The following DIAPH1 variants were observed in gnomAD, a reference collection of about 807,000 sequenced individuals.
DIAPH1 encodes diaphanous related formin 1.
A neutral mutation model predicts 140.7 loss-of-function variants in DIAPH1; 46 were observed. The ratio of observed to expected loss-of-function variants is 0.33; its 90% CI spans 0.26 to 0.42. DIAPH1 has a LOEUF of 0.42. Ranked by LOEUF, DIAPH1 falls within the 10% of genes least tolerant of loss-of-function variation. The pLI is 1.00. For missense variants in DIAPH1, 1,310 were observed against 1,558.7 expected, an observed-to-expected ratio of 0.84 and a Z score of 2.69; for synonymous variants, 565 against 551.6, an observed-to-expected ratio of 1.02 and a Z score of -0.34.
chr5:141,580,510 G>A (rs778781094), intron 8 of DIAPH1, among the ~76,000 whole-genome samples: 3 of 151,926 alleles, frequency 2.0e-5, no homozygotes, highest in Admixed American at 2.0e-4. Flanking sequence ...TATTAATGGA[G>A]ATATAGGAGA....
chr5:141,545,878 G>A lies in DIAPH1; in HGVS notation c.2483-11445C>T, dbSNP rs145456725. On this transcript the variant is annotated intron_variant, in intron 18 of 27. Transcript: ENST00000389054. ...ACCTTATTAACAAAACATGTTGGCCGTAGTTTGCTGACTCCTGGTCTAACC... is the reference window on the plus strand; with the variant it reads ...ACCTTATTAACAAAACATGTTGGCCATAGTTTGCTGACTCCTGGTCTAACC... Among the ~76,000 whole-genome samples the A allele has an allele frequency of 4.6e-3, 693 of 152,268 alleles. 10 individuals carry two copies. Among genetic ancestry groups the A allele is most frequent in the South Asian group, 0.017 (84 of 4,828 alleles).
intron 1 of DIAPH1, among the ~76,000 whole-genome samples, chr5:141,610,793 A>C (rs113340299): frequency 1.3e-5 from 2 of 151,918 alleles, no homozygotes; most frequent in African/African-American, 4.8e-5. Context: ...AAAAAAAATT[A>C]GGCCAGGTGC....
chr5:141,606,984 A>G (rs1381318178), intron 1 of DIAPH1, among the ~76,000 whole-genome samples: 1 of 151,924 alleles, frequency 6.6e-6, no homozygotes, highest in Non-Finnish European at 1.5e-5. Flanking sequence ...AAAGGAAGCA[A>G]ACCTTAAGAT....
At chr5:141,586,095 T>C (rs1166919034) in intron 3 of DIAPH1, among the ~76,000 whole-genome samples, 1 of 152,226 alleles carries the variant, frequency 6.6e-6, no homozygotes, top group Admixed American at 6.5e-5. Flanking sequence ...CTCTCTTCAA[T>C]TTGCCACATT....
intron 1 of DIAPH1, among the ~76,000 whole-genome samples, chr5:141,593,544 A>C (rs1596398470): frequency 6.6e-6 from 1 of 152,320 alleles, no homozygotes; most frequent in African/African-American, 2.4e-5. Context: ...ACATAGTCCA[A>C]GTAGATCACT....
At chr5:141,534,548 T>C (rs1427697028) in intron 18 of DIAPH1, 115 bp from the exon 19 acceptor site, 1 of 793,544 alleles carries the variant, frequency 1.3e-6, no homozygotes, top group Non-Finnish European at 2.2e-6. Flanking sequence ...TATAATGGTC[T>C]ATTGTATTCC....
At chr5:141,534,160 G>A (rs1161766672) in intron 19 of DIAPH1, among the ~76,000 whole-genome samples, 175 bp downstream of exon 19, 2 of 151,262 alleles carry the variant, frequency 1.3e-5, no homozygotes, top group Non-Finnish European at 2.9e-5. Context: ...TAAAAATCTT[G>A]CAGTGCTATT....
chr5:141,519,064 A>C, intron 27 of DIAPH1: 12 of 1,395,860 alleles, frequency 8.6e-6, no homozygotes, highest in African/African-American at 1.4e-5. Context: ...GTTACAGATC[A>C]TAGGTATGTG....
Position 141,574,113 on chromosome 5 carries a change from A to G in DIAPH1, c.1737T>C (p.Arg579=). Residue 579 remains arginine, a synonymous_variant, in exon 16 of 28, where the codon CGT becomes CGC. Coordinates refer to ENST00000389054, the MANE Select transcript of DIAPH1 (RefSeq NM_005219.5). ...AAGGAGGGGCAGGGGGAACAGGAGC[A>G]CGACTAGGAACAGAAGGAGGTACAG... ...AITVPPSVPS[R]APVPPAPPLP... 1 of 1,614,082 alleles carries G rather than the reference A, an allele frequency of 6.2e-7. No individual in the cohort carries two copies. The highest frequency in any genetic ancestry group is 8.5e-7 in the Non-Finnish European group (1 of 1,180,008).
In DIAPH1 at chr5:141,588,245, C is replaced by CGAAG. The variant is rs1368909569; in HGVS notation, c.122_123insCTTC (p.Lys42PhefsTer8). 2 of 1,612,332 alleles carry CGAAG rather than the reference C, an allele frequency of 1.2e-6. No individual in the cohort carries two copies. Among genetic ancestry groups the CGAAG allele is most frequent in the Non-Finnish European group, 1.7e-6 (2 of 1,178,606 alleles). On this transcript the variant is annotated frameshift_variant, in exon 2 of 28. Coordinates refer to ENST00000389054, the MANE Select transcript of DIAPH1 (RefSeq NM_005219.5). LOFTEE classifies it high-confidence loss of function. ...TTACCTCATCTGCCATGAGCCGCTT[C>CGAAG]AGAGTCTAGGAAACAGGAAAAAGGA...
chr5:141,592,945 T>C (rs770272229), intron 1 of DIAPH1, among the ~76,000 whole-genome samples: 6 of 152,092 alleles, frequency 3.9e-5, no homozygotes, highest in Non-Finnish European at 8.8e-5. Context: ...TCACTAAACC[T>C]ACAGAAAAGG....
intron 1 of DIAPH1, among the ~76,000 whole-genome samples, chr5:141,613,898 A>G (rs1006662798): frequency 1.8e-4 from 27 of 152,318 alleles, no homozygotes; most frequent in African/African-American, 6.0e-4. Context: ...AATTCCCCAA[A>G]GGCCTGGCTA....
intron 27 of DIAPH1, chr5:141,519,066 A>AGGTATG: frequency 7.2e-7 from 1 of 1,388,656 alleles, no homozygotes; most frequent in Non-Finnish European, 1.0e-6. Flanking sequence ...TACAGATCAT[A>AGGTATG]GGTATGTGCC....
intron 8 of DIAPH1, among the ~76,000 whole-genome samples, chr5:141,579,937 G>A (rs1248912889): frequency 6.8e-6 from 1 of 148,060 alleles, no homozygotes; most frequent in Admixed American, 6.8e-5. Context: ...AACAGAGCGA[G>A]CCTCCGTCTC....
At chr5:141,616,748 T>C (rs899669847) in intron 1 of DIAPH1, among the ~76,000 whole-genome samples, 2 of 152,232 alleles carry the variant, frequency 1.3e-5, no homozygotes, top group African/African-American at 2.4e-5. Context: ...ATTTTCCTCA[T>C]TACCTGAGCT....
intron 18 of DIAPH1, among the ~76,000 whole-genome samples, chr5:141,547,214 C>G (rs895790113): frequency 6.6e-6 from 1 of 152,244 alleles, no homozygotes; most frequent in African/African-American, 2.4e-5. Flanking sequence ...GCGCGGTAAT[C>G]CCGCACTTTG....
chr5:141,567,279 A>G (rs1354030566), intron 18 of DIAPH1, among the ~76,000 whole-genome samples: 1 of 152,166 alleles, frequency 6.6e-6, no homozygotes, highest in Non-Finnish European at 1.5e-5. Flanking sequence ...TTCCTTTTTT[A>G]TATCACTAGT....
intron 7 of DIAPH1, among the ~76,000 whole-genome samples, chr5:141,581,630 T>C (rs979320256): frequency 2.0e-5 from 3 of 151,926 alleles, no homozygotes; most frequent in Non-Finnish European, 4.4e-5. Context: ...GCTCACTAGG[T>C]TGAATTACTA....
intron 18 of DIAPH1, among the ~76,000 whole-genome samples, chr5:141,551,197 C>G (rs959655602): frequency 1.3e-5 from 2 of 152,202 alleles, no homozygotes; most frequent in African/African-American, 4.8e-5. Context: ...TGCCTATAAT[C>G]CCAGCACTTT....
Sources: gnomAD v4.1 joint callset for allele counts (sites outside exome capture counted in the v4.1 genomes callset) on GRCh38, gnomAD v4.1.1 for gene constraint, MANE v1.5 for transcripts, NCBI Gene and HGNC (gene_info 2026-07-23, HGNC 2026-07-21) for gene names.